CNTNAP2: variants seen among roughly 807,000 people sequenced by gnomAD.
CNTNAP2 encodes the protein contactin associated protein 2.
A neutral mutation model predicts 155.2 loss-of-function variants in CNTNAP2; 98 were observed. The ratio of observed to expected loss-of-function variants is 0.63; its 90% CI spans 0.54 to 0.75. The LOEUF (loss-of-function observed/expected upper bound fraction) is 0.75. Ranked by LOEUF, CNTNAP2 falls within the 30% of genes least tolerant of loss-of-function variation. The probability of loss-of-function intolerance (pLI) is 0.00; values close to 1 mark genes in which losing one functional copy is unlikely to be tolerated. For synonymous variants in CNTNAP2, 651 were observed against 631.2 expected (o/e 1.03, Z -0.47); for missense variants, 1,727 against 1,688.1 (o/e 1.02, Z -0.40).
At chr7:146,938,577 T>A (rs1173192866) in intron 3 of CNTNAP2, among the ~76,000 whole-genome samples, 2 of 151,878 alleles carry the variant, frequency 1.3e-5, no homozygotes, top group African/African-American at 4.8e-5. Flanking sequence ...GTGAAACATT[T>A]CTCATTAATG....
chr7:148,254,708 G>A (rs565888362), intron 20 of CNTNAP2, among the ~76,000 whole-genome samples: 77 of 151,108 alleles, frequency 5.1e-4, no homozygotes, highest in African/African-American at 1.8e-3. Context: ...CCCAGGAGGC[G>A]GAAGTTGCAG....
At chr7:147,127,324 A>G (rs1801260724) in intron 6 of CNTNAP2, among the ~76,000 whole-genome samples, 1 of 151,524 alleles carries the variant, frequency 6.6e-6, no homozygotes, top group South Asian at 2.1e-4. Flanking sequence ...GGCAAATAAT[A>G]CATATTCAGC....
intron 12 of CNTNAP2, among the ~76,000 whole-genome samples, chr7:147,637,090 A>G (rs1795193259): frequency 6.6e-6 from 1 of 152,172 alleles, no homozygotes; most frequent in South Asian, 2.1e-4. Flanking sequence ...GGGAGGAGCC[A>G]GGTCACGGAG....
chr7:148,225,684 C>A (rs947045692), intron 19 of CNTNAP2, among the ~76,000 whole-genome samples: 3 of 152,104 alleles, frequency 2.0e-5, no homozygotes, highest in African/African-American at 2.4e-5. Context: ...GGAGAAAGGA[C>A]AAAAGCTAGT....
chr7:146,944,694 C>T (rs974163906), intron 3 of CNTNAP2, among the ~76,000 whole-genome samples: 2 of 151,900 alleles, frequency 1.3e-5, no homozygotes, highest in Non-Finnish European at 2.9e-5. Flanking sequence ...CTGGCTAACA[C>T]GGTGAAACCC....
intron 8 of CNTNAP2, among the ~76,000 whole-genome samples, chr7:147,245,569 C>A (rs1277890516): frequency 6.6e-6 from 1 of 151,932 alleles, no homozygotes. Flanking sequence ...CGCGGTGGCT[C>A]ATGCCTGTAA....
chr7:147,851,090 C>A (rs547640874), intron 13 of CNTNAP2, among the ~76,000 whole-genome samples: 94 of 152,326 alleles, frequency 6.2e-4, no homozygotes, highest in Non-Finnish European at 9.0e-4. Flanking sequence ...AAACAAACAA[C>A]CCCATCAACA....
rs577017168 is a variant in CNTNAP2, at chr7:146,963,237, T to C, written c.403-80670T>C. 5.8e-4 allele frequency: 89 copies of C among 152,366 alleles called. 1 individual carries two copies. Among genetic ancestry groups the C allele is most frequent in the Non-Finnish European group, 9.6e-4 (65 of 68,032 alleles). The allele number at this position is 152,366 out of a possible 1,614,324, so 9.4% of individuals were successfully genotyped here. A position where few individuals can be genotyped will look rare whatever the true frequency, so the allele number is the denominator to read the frequency against. On this transcript the variant is annotated intron_variant, in intron 3 of 23. Transcript: ENST00000361727. ...GACTAGAAGTTCTCTAAAATATATC[T>C]ATTTCTAATTTTATTTCATTTGATA... is the stretch of plus-strand genomic sequence containing the variant.
intron 8 of CNTNAP2, among the ~76,000 whole-genome samples, chr7:147,235,502 G>T (rs1803781502): frequency 6.6e-6 from 1 of 152,052 alleles, no homozygotes; most frequent in Non-Finnish European, 1.5e-5. Context: ...TTGGCAATTA[G>T]TATTTTTGTG....
intron 1 of CNTNAP2, among the ~76,000 whole-genome samples, chr7:146,499,102 A>G (rs1797262827): frequency 6.6e-6 from 1 of 152,172 alleles, no homozygotes; most frequent in Admixed American, 6.5e-5. Flanking sequence ...TGATCTGTCT[A>G]TTGACATGAA....
In CNTNAP2 at chr7:148,320,380, T is replaced by A. The variant is rs975771254; in HGVS notation, c.3475+53254T>A. On this transcript the variant is annotated intron_variant, in intron 21 of 23. Transcript: ENST00000361727. ...CCTAACAAAGAATTTTTTTTTCTTTTTTTTTTTTTTTTTTTTTTTTTGAGA... is the reference window on the plus strand; with the variant it reads ...CCTAACAAAGAATTTTTTTTTCTTTATTTTTTTTTTTTTTTTTTTTTGAGA... 6.3e-3 allele frequency among the ~76,000 whole-genome samples: 804 copies of A among 127,268 alleles called. 4 individuals are homozygous for A. Among genetic ancestry groups the A allele is most frequent in the African/African-American group, 0.024 (764 of 31,894 alleles). The allele number at this position is 127,268 out of a possible 152,430, so 83.5% of individuals were successfully genotyped here. A position where few individuals can be genotyped will look rare whatever the true frequency, so the allele number is the denominator to read the frequency against.
intron 3 of CNTNAP2, among the ~76,000 whole-genome samples, chr7:146,938,967 A>G (rs1456710301): frequency 2.0e-5 from 3 of 152,116 alleles, no homozygotes; most frequent in Admixed American, 2.0e-4. Flanking sequence ...TTTAGTGCAG[A>G]AAGACATTGT....
intron 1 of CNTNAP2, among the ~76,000 whole-genome samples, chr7:146,131,027 A>G (rs974822725): frequency 2.0e-5 from 3 of 152,244 alleles, no homozygotes; most frequent in Non-Finnish European, 4.4e-5. Flanking sequence ...GTGGGTTCAC[A>G]GAGCCAAACC....
At chr7:148,247,627 A>C (rs202182718) in intron 20 of CNTNAP2, among the ~76,000 whole-genome samples, 160 of 67,888 alleles carry the variant, frequency 2.4e-3, no homozygotes, top group African/African-American at 7.6e-3. Flanking sequence ...CTCTCTCTCT[A>C]TTTATTTATT....
chr7:146,956,864 C>T (rs976760786), intron 3 of CNTNAP2, among the ~76,000 whole-genome samples: 38 of 152,060 alleles, frequency 2.5e-4, no homozygotes, highest in African/African-American at 8.7e-4. Flanking sequence ...GGAATTATCT[C>T]ACAGGAACAT....
At chr7:148,031,104 G>T (rs758349384) in intron 15 of CNTNAP2, among the ~76,000 whole-genome samples, 1 of 152,094 alleles carries the variant, frequency 6.6e-6, no homozygotes, top group Non-Finnish European at 1.5e-5. Flanking sequence ...GATGTGATTA[G>T]GCCATCTGCA....
At chr7:147,968,047 A>G (rs959225165) in intron 14 of CNTNAP2, among the ~76,000 whole-genome samples, 6 of 152,184 alleles carry the variant, frequency 3.9e-5, no homozygotes, top group African/African-American at 9.7e-5. Flanking sequence ...GTTAACGTCT[A>G]TGTTTATTCA....
chr7:146,699,096 G>A (rs1800832480), intron 1 of CNTNAP2, among the ~76,000 whole-genome samples: 1 of 152,026 alleles, frequency 6.6e-6, no homozygotes. Context: ...TTCAATAATT[G>A]CAAAGTTTCT....
At chr7:147,916,358 C>A (rs150408293) in intron 14 of CNTNAP2, among the ~76,000 whole-genome samples, 36 of 152,094 alleles carry the variant, frequency 2.4e-4, no homozygotes, top group South Asian at 6.2e-4. Flanking sequence ...TAATTGGGCA[C>A]CGGAGAAGAT....
Sources: gnomAD v4.1 joint callset for allele counts (sites outside exome capture counted in the v4.1 genomes callset) on GRCh38, gnomAD v4.1.1 for gene constraint, MANE v1.5 for transcripts, NCBI Gene and HGNC (gene_info 2026-07-23, HGNC 2026-07-21) for gene names.